The following HIVEP3 variants were observed in gnomAD, a reference collection of about 807,000 sequenced individuals.
HIVEP3 encodes HIVEP zinc finger 3.
In HIVEP3, 49 loss-of-function variants were observed where a neutral mutation model predicts 152.8. That is an observed-to-expected ratio of 0.32 (90% CI 0.26 to 0.41). HIVEP3 has a LOEUF of 0.41. HIVEP3 is among the 10% of genes least tolerant of loss of function. The probability of loss-of-function intolerance (pLI) is 1.00; values close to 1 mark genes in which losing one functional copy is unlikely to be tolerated. For missense variants in HIVEP3, 2,790 were observed against 3,103.3 expected, an observed-to-expected ratio of 0.90 and a Z score of 2.40; for synonymous variants, 1,269 against 1,289.0, an observed-to-expected ratio of 0.98 and a Z score of 0.33.
At chr1:41,519,031 G>T (rs968728094) in intron 6 of HIVEP3, among the ~76,000 whole-genome samples, 1 of 152,088 alleles carries the variant, frequency 6.6e-6, no homozygotes, top group Non-Finnish European at 1.5e-5. Context: ...AGAAACCAGG[G>T]CAAATTTAAT....
chr1:41,582,315 A>G lies in HIVEP3; in HGVS notation c.2483T>C (p.Phe828Ser), dbSNP rs1440586069. 6.2e-7 allele frequency: 1 copy of G among 1,613,956 alleles called. No homozygotes were observed. Among genetic ancestry groups the G allele is most frequent in the South Asian group, 1.1e-5 (1 of 91,070 alleles). ...GTGTGGGGCAGGTGGGGGTGATGGG[A>G]ACTGGGCCAGAGGTTTGTCTTCCCC... ...LEGEDKPLAQ[F>S]PSPPPAPHGR... Residue 828 changes from phenylalanine (F) to serine (S), a missense_variant, in exon 4 of 9, where the codon TTC becomes TCC. This residue lies in a region of HIVEP3 where 1,078 missense variants were observed against 1,165.3 expected (regional missense o/e 0.93). Coordinates refer to ENST00000372583, the MANE Select transcript of HIVEP3 (RefSeq NM_024503.5). The surrounding 1 kb of genome is among the most constrained non-coding windows in gnomAD (Gnocchi z 4.7).
At chr1:41,751,882 G>A (rs1191126445) in intron 1 of HIVEP3, among the ~76,000 whole-genome samples, 1 of 152,218 alleles carries the variant, frequency 6.6e-6, no homozygotes, top group Non-Finnish European at 1.5e-5. Context: ...CCCCAAGAGA[G>A]GGAGTTGTCC....
At chr1:41,710,858 T>C (rs1226531811) in intron 1 of HIVEP3, among the ~76,000 whole-genome samples, 1 of 152,120 alleles carries the variant, frequency 6.6e-6, no homozygotes, top group Admixed American at 6.5e-5. Context: ...TCCTGCTAGG[T>C]TCTCAGCTAA....
intron 1 of HIVEP3, among the ~76,000 whole-genome samples, chr1:41,863,036 C>T (rs1471696037): frequency 1.3e-5 from 2 of 152,220 alleles, no homozygotes; most frequent in African/African-American, 2.4e-5. Flanking sequence ...AAATGCACAC[C>T]TCCTCCAGTT....
At chr1:41,907,810 G>T (rs575408358) in intron 1 of HIVEP3, among the ~76,000 whole-genome samples, 1 of 152,342 alleles carries the variant, frequency 6.6e-6, no homozygotes, top group East Asian at 1.9e-4. Context: ...TGGCCAAGAG[G>T]CATGGAAGTT....
chr1:41,548,058 C>T (rs901559307), intron 5 of HIVEP3, among the ~76,000 whole-genome samples: 3 of 152,198 alleles, frequency 2.0e-5, no homozygotes, highest in African/African-American at 7.2e-5. Context: ...TTGTTAACTG[C>T]CCCAATCCTC....
intron 1 of HIVEP3, among the ~76,000 whole-genome samples, chr1:41,734,895 G>A (rs1346264105): frequency 6.6e-6 from 1 of 152,212 alleles, no homozygotes; most frequent in African/African-American, 2.4e-5. Flanking sequence ...GATGAAATGA[G>A]GAATTGGGTT....
chr1:41,792,641 A>G (rs1649767795), intron 1 of HIVEP3, among the ~76,000 whole-genome samples: 1 of 152,220 alleles, frequency 6.6e-6, no homozygotes, highest in African/African-American at 2.4e-5. Context: ...GAGACCAGTG[A>G]GCAGGAAGGT....
At chr1:41,928,234 A>G (rs1210211585) in intron 1 of HIVEP3, among the ~76,000 whole-genome samples, 2 of 152,156 alleles carry the variant, frequency 1.3e-5, no homozygotes, top group African/African-American at 4.8e-5. Context: ...GGGTTACAGG[A>G]GTGCCCAGGT....
rs907315142 is a variant in HIVEP3 at position 41,509,655 on chromosome 1, G to A, written c.*796C>T. ...GGTGCAGAAGGGAGGTGTCTGGAGT[G>A]GGGGTGCGTGGGTGGGGTGGCCTGC... On this transcript the variant is annotated 3_prime_UTR_variant, in exon 9 of 9. Transcript: ENST00000372583. 1 of 151,964 alleles carries A rather than the reference G, an allele frequency of 6.6e-6. No homozygotes were observed. The highest frequency in any genetic ancestry group is 1.5e-5 in the Non-Finnish European group (1 of 67,990). The allele number at this position is 151,964 out of a possible 1,614,324, so 9.4% of individuals were successfully genotyped here. A position where few individuals can be genotyped will look rare whatever the true frequency, so the allele number is the denominator to read the frequency against.
Position 41,511,140 on chromosome 1 carries a change from T to G in HIVEP3, c.6532A>C (p.Ser2178Arg). 6.2e-7 allele frequency: 1 copy of G among 1,614,088 alleles called. No individual in the cohort carries two copies. Among genetic ancestry groups the G allele is most frequent in the Non-Finnish European group, 8.5e-7 (1 of 1,180,008 alleles). ...TGCTGGGAGTGCAGAGGCAGGTGGC[T>G]GAAGATGTTCTCCTCTGTCCGGGCC... ...ILARTEENIF[S>R]HLPLHSQHLT... is the part of the protein sequence containing the mutation. The change falls in exon 9 of 9, where the codon AGC (serine) becomes CGC (arginine). Residue 2178 changes from serine (S) to arginine (R), a missense_variant. Transcript: ENST00000372583. This position sits in a 1 kb window ranked among gnomAD's most constrained non-coding sequence, Gnocchi z 4.9.
chr1:41,921,794 G>T (rs57817859), upstream of HIVEP3, among the ~76,000 whole-genome samples: 736 of 152,184 alleles, frequency 4.8e-3, 3 homozygotes, highest in African/African-American at 0.017. Context: ...CACAGAAATA[G>T]GTCCACAGCT....
intron 2 of HIVEP3, among the ~76,000 whole-genome samples, chr1:41,683,086 A>G (rs903375455): frequency 3.9e-5 from 6 of 152,224 alleles, no homozygotes; most frequent in African/African-American, 1.4e-4. Context: ...AAAGACAGAG[A>G]AACATGAAAC....
intron 1 of HIVEP3, among the ~76,000 whole-genome samples, chr1:41,942,721 G>C (rs1022423091): frequency 6.6e-6 from 1 of 152,110 alleles, no homozygotes; most frequent in South Asian, 2.1e-4. Flanking sequence ...TTAGGGACTA[G>C]TTGCATTCAT....
chr1:41,545,074 A>AC (rs1569847734), intron 5 of HIVEP3, among the ~76,000 whole-genome samples: 2 of 73,438 alleles, frequency 2.7e-5, no homozygotes, highest in African/African-American at 1.1e-4. Flanking sequence ...ACCACCACCA[A>AC]CATCACCACC....
chr1:41,753,369 G>A (rs1478942315), intron 1 of HIVEP3, among the ~76,000 whole-genome samples: 1 of 152,118 alleles, frequency 6.6e-6, no homozygotes, highest in Non-Finnish European at 1.5e-5. Flanking sequence ...TTTAAAAATT[G>A]GAAGCAATGG....
At chr1:41,638,838 G>A (rs1280776375) in intron 2 of HIVEP3, among the ~76,000 whole-genome samples, 1 of 152,226 alleles carries the variant, frequency 6.6e-6, no homozygotes, top group African/African-American at 2.4e-5. Flanking sequence ...CACTGCAGCT[G>A]ACAAAGGGTT....
chr1:41,994,550 T>C lies in HIVEP3; in HGVS notation n.119+41257A>G, dbSNP rs559704532. On this transcript the variant is annotated intron_variant and non_coding_transcript_variant, in intron 1 of 3. Coordinates refer to the HIVEP3 transcript ENST00000489103. The stretch of plus-strand genomic sequence containing the variant: ...TGATGGTTTAAAATTGTGTGGCATT[T>C]CCCCCATCACTCTCTCTATCTCTCT... Among the ~76,000 whole-genome samples the C allele has an allele frequency of 6.6e-5, 10 of 152,210 alleles. No homozygotes were observed. The East Asian group carries it at 1.9e-3, about 29-fold the overall frequency.
intron 5 of HIVEP3, among the ~76,000 whole-genome samples, chr1:41,545,101 TCAC>T (rs1470025789): frequency 6.0e-4 from 41 of 68,004 alleles, no homozygotes; most frequent in East Asian, 4.1e-3. Flanking sequence ...ATCGCTACCA[TCAC>T]CACCACCACC....
Sources: gnomAD v4.1 joint callset for allele counts (sites outside exome capture counted in the v4.1 genomes callset) on GRCh38, gnomAD v4.1.1 for gene constraint, gnomAD v4.1.1 regional missense constraint, Gnocchi (gnomAD v3.1) non-coding constraint, MANE v1.5 for transcripts, NCBI Gene and HGNC (gene_info 2026-07-23, HGNC 2026-07-21) for gene names.